The following MARCHF1 variants were observed in gnomAD, a reference collection of about 807,000 sequenced individuals.
MARCHF1 encodes the protein membrane associated ring-CH-type finger 1.
A neutral mutation model predicts 54.2 loss-of-function variants in MARCHF1; 40 were observed. That is an observed-to-expected ratio of 0.74 (90% CI 0.57 to 0.96). The LOEUF (loss-of-function observed/expected upper bound fraction) is 0.96. MARCHF1 is among the 40% of genes least tolerant of loss of function. The probability of loss-of-function intolerance (pLI) is 0.00; values close to 1 mark genes in which losing one functional copy is unlikely to be tolerated. For synonymous variants in MARCHF1, 236 were observed against 236.3 expected (o/e 1.00, Z 0.01); for missense variants, 586 against 656.5 (o/e 0.89, Z 1.17).
At chr4:163,735,438 G>A (rs1746007291) in intron 4 of MARCHF1, among the ~76,000 whole-genome samples, 1 of 152,128 alleles carries the variant, frequency 6.6e-6, no homozygotes, top group Non-Finnish European at 1.5e-5. Context: ...TCTAGACACA[G>A]GCTGTCTTAG....
intron 1 of MARCHF1, chr4:164,189,996 G>A: frequency 1.4e-6 from 2 of 1,468,930 alleles, no homozygotes; most frequent in South Asian, 1.1e-5. Flanking sequence ...CAAAAGGATG[G>A]TTAATGATGC....
chr4:164,078,073 C>T (rs1755016254), intron 2 of MARCHF1, among the ~76,000 whole-genome samples: 1 of 152,178 alleles, frequency 6.6e-6, no homozygotes, highest in Non-Finnish European at 1.5e-5. Context: ...TATAAAGACA[C>T]ATGCACACGT....
chr4:164,225,288 TG>T (rs1732220086), intron 1 of MARCHF1, among the ~76,000 whole-genome samples: 1 of 152,110 alleles, frequency 6.6e-6, no homozygotes, highest in Non-Finnish European at 1.5e-5. Context: ...TTTTGCCTAA[TG>T]TTTTTTATAA....
rs561400483 is a variant in MARCHF1 at position 164,310,279 on chromosome 4, T to C, written c.-323+73591A>G. Among the ~76,000 whole-genome samples the C allele has an allele frequency of 3.3e-5, 5 of 152,138 alleles. 1 individual carries two copies. In the South Asian group the frequency reaches 8.3e-4, roughly 25 times the overall value. On this transcript the variant is annotated intron_variant, in intron 1 of 9. Transcript: ENST00000514618. ...TTTTAGTAGAGACAGGGTTTCACCA[T>C]GTTGGCCAGGATGGTCTTGATCTCT...
intron 1 of MARCHF1, among the ~76,000 whole-genome samples, chr4:164,376,756 G>A (rs971929396): frequency 1.3e-5 from 2 of 152,160 alleles, no homozygotes; most frequent in African/African-American, 4.8e-5. Flanking sequence ...TGCTAGTAAA[G>A]TCACAGAAAA....
intron 1 of MARCHF1, among the ~76,000 whole-genome samples, chr4:164,310,247 T>C (rs1457927048): frequency 6.6e-6 from 1 of 151,820 alleles, no homozygotes; most frequent in Non-Finnish European, 1.5e-5. Flanking sequence ...CCAGCTAATT[T>C]TTGTATTTTT....
chr4:164,308,349 TTTC>T (rs1257108007), intron 1 of MARCHF1, among the ~76,000 whole-genome samples: 1 of 152,230 alleles, frequency 6.6e-6, no homozygotes, highest in Non-Finnish European at 1.5e-5. Flanking sequence ...TATTTGCTAT[TTTC>T]TTCTCTGGAT....
At chr4:163,651,210 G>T (rs72991569) in intron 5 of MARCHF1, among the ~76,000 whole-genome samples, 1 of 151,846 alleles carries the variant, frequency 6.6e-6, no homozygotes, top group African/African-American at 2.4e-5. Flanking sequence ...GGAGTTCATT[G>T]TTATGTTTTT....
intron 3 of MARCHF1, among the ~76,000 whole-genome samples, chr4:163,966,711 A>G (rs1752450758): frequency 1.3e-5 from 2 of 152,146 alleles, no homozygotes. Context: ...ACAATTTTAC[A>G]GATAAGGAAA....
At chr4:164,120,185 G>A (rs1020050116) in intron 1 of MARCHF1, among the ~76,000 whole-genome samples, 2 of 151,918 alleles carry the variant, frequency 1.3e-5, no homozygotes, top group African/African-American at 4.8e-5. Context: ...AGCAGGAGTC[G>A]CTACACTTAG....
chr4:164,014,328 T>C (rs572077372), intron 2 of MARCHF1, among the ~76,000 whole-genome samples: 1 of 152,282 alleles, frequency 6.6e-6, no homozygotes, highest in South Asian at 2.1e-4. Context: ...TAAGCTGTTA[T>C]CGGTTCAAAC....
At chr4:164,196,216 A>G (rs1442539620) in intron 1 of MARCHF1, among the ~76,000 whole-genome samples, 8 of 152,178 alleles carry the variant, frequency 5.3e-5, no homozygotes, top group African/African-American at 1.9e-4. Flanking sequence ...AAAAATGTAT[A>G]GATGCACAGT....
intron 5 of MARCHF1, among the ~76,000 whole-genome samples, chr4:163,615,567 G>T (rs1741483319): frequency 7.3e-6 from 1 of 137,490 alleles, no homozygotes; most frequent in East Asian, 2.3e-4. Context: ...AGTAATGAAA[G>T]AAATTGAAGA....
At chr4:163,708,930 A>C (rs1163987049) in intron 4 of MARCHF1, among the ~76,000 whole-genome samples, 1 of 152,162 alleles carries the variant, frequency 6.6e-6, no homozygotes, top group Non-Finnish European at 1.5e-5. Flanking sequence ...TGCAAATATG[A>C]GGTTATATCT....
intron 3 of MARCHF1, among the ~76,000 whole-genome samples, chr4:163,931,207 G>C (rs967189939): frequency 3.3e-5 from 5 of 152,140 alleles, no homozygotes; most frequent in Admixed American, 1.3e-4. Context: ...CTCCAGAACT[G>C]TGAGAAAATA....
intron 3 of MARCHF1, among the ~76,000 whole-genome samples, chr4:163,863,382 G>T (rs1293094336): frequency 6.6e-6 from 1 of 152,050 alleles, no homozygotes; most frequent in Non-Finnish European, 1.5e-5. Context: ...GTCCCCTATG[G>T]AGGTATGACT....
chr4:164,288,373 A>G (rs1734203208), intron 1 of MARCHF1, among the ~76,000 whole-genome samples: 1 of 152,124 alleles, frequency 6.6e-6, no homozygotes, highest in Non-Finnish European at 1.5e-5. Context: ...AATGAAGTGA[A>G]AAAAGAAAGG....
At chr4:163,816,692 C>T (rs1748543235) in intron 4 of MARCHF1, among the ~76,000 whole-genome samples, 2 of 152,028 alleles carry the variant, frequency 1.3e-5, no homozygotes, top group East Asian at 3.9e-4. Flanking sequence ...CAGAGGGGGG[C>T]ACTGAATCAC....
chr4:163,951,034 C>A (rs1301657048), intron 3 of MARCHF1, among the ~76,000 whole-genome samples: 5 of 151,906 alleles, frequency 3.3e-5, no homozygotes, highest in African/African-American at 7.3e-5. Context: ...AGAGTATCTA[C>A]CAAAAAATGA....
Sources: gnomAD v4.1 joint callset for allele counts (sites outside exome capture counted in the v4.1 genomes callset) on GRCh38, gnomAD v4.1.1 for gene constraint, MANE v1.5 for transcripts, NCBI Gene and HGNC (gene_info 2026-07-23, HGNC 2026-07-21) for gene names.